Variants in RAPGEF5 observed in about 807,000 individuals in gnomAD.
RAPGEF5 encodes M-Ras-regulated GEF.
A neutral mutation model predicts 125.2 loss-of-function variants in RAPGEF5; 65 were observed. The observed-to-expected ratio is 0.52, with a 90% CI of 0.43 to 0.64. The LOEUF (loss-of-function observed/expected upper bound fraction) is 0.64. RAPGEF5 is among the 30% of genes least tolerant of loss of function. The pLI, the probability that RAPGEF5 is intolerant of heterozygous loss-of-function variation, is 0.00. For synonymous variants in RAPGEF5, 391 were observed against 385.9 expected (o/e 1.01, Z -0.16); for missense variants, 958 against 1,048.1 (o/e 0.91, Z 1.19).
At chr7:22,133,186 G>T (rs1268662217) in intron 23 of RAPGEF5, among the ~76,000 whole-genome samples, 2 of 152,200 alleles carry the variant, frequency 1.3e-5, no homozygotes, top group South Asian at 2.1e-4. Flanking sequence ...CTATTGAGGG[G>T]CCAGGGCCTG....
chr7:22,340,599 AG>A (rs1315153626), intron 1 of RAPGEF5, among the ~76,000 whole-genome samples: 1 of 152,208 alleles, frequency 6.6e-6, no homozygotes, highest in Admixed American at 6.5e-5. Flanking sequence ...AGCCTGGAAA[AG>A]GGATTCCTGT....
At chr7:22,218,266 T>C (rs982544499) in intron 9 of RAPGEF5, among the ~76,000 whole-genome samples, 5 of 152,166 alleles carry the variant, frequency 3.3e-5, no homozygotes, top group Admixed American at 2.0e-4. Context: ...GAGGTATCTT[T>C]TTAATAAGTG....
chr7:22,330,926 T>C lies in RAPGEF5; in HGVS notation c.232-12889A>G, dbSNP rs572964443. Reference sequence around the variant, plus strand: ...CTCACTCTGGGGTATGTAAACCGCATATCAATTTTTAAATTAAAATCATGA... The same window carrying C: ...CTCACTCTGGGGTATGTAAACCGCACATCAATTTTTAAATTAAAATCATGA... On this transcript the variant is annotated intron_variant, in intron 1 of 25. Coordinates refer to ENST00000665637, the MANE Select transcript of RAPGEF5 (RefSeq NM_012294.5). 1.6e-4 allele frequency among the ~76,000 whole-genome samples: 24 copies of C among 152,306 alleles called. 1 individual carries two copies. In the South Asian group the frequency reaches 5.0e-3, roughly 32 times the overall value.
At position 22,201,917 on chromosome 7, in the gene RAPGEF5, C is replaced by CTGGTT. The variant is rs541753884; in HGVS notation, c.997-7889_997-7885dup. Among the ~76,000 whole-genome samples, 651 of 152,252 alleles carry CTGGTT rather than the reference C, an allele frequency of 4.3e-3. 1 individual carries two copies. The highest frequency in any genetic ancestry group is 0.014 in the South Asian group (68 of 4,824). On this transcript the variant is annotated intron_variant, in intron 9 of 25. Transcript: ENST00000665637. ...GATGACAGCTGCATGAGAACAGTGG[C>CTGGTT]TGGTTTGGTTTGGTTTTACATCCAG...
chr7:22,136,834 G>A (rs1783093093), intron 22 of RAPGEF5, 99 bp downstream of exon 22: 1 of 1,044,280 alleles, frequency 9.6e-7, no homozygotes, highest in Non-Finnish European at 1.4e-6. Context: ...TAGGCTACCT[G>A]ACACGGTAGA....
intron 25 of RAPGEF5, among the ~76,000 whole-genome samples, chr7:22,124,173 C>G (rs1782666630): frequency 6.6e-6 from 1 of 152,204 alleles, no homozygotes; most frequent in Non-Finnish European, 1.5e-5. Context: ...TATCACCTTC[C>G]TGTCTATACT....
At chr7:22,298,378 C>A (rs1783115669) in intron 5 of RAPGEF5, among the ~76,000 whole-genome samples, 1 of 152,000 alleles carries the variant, frequency 6.6e-6, no homozygotes, top group Admixed American at 6.6e-5. Context: ...GGGGTTTCTC[C>A]ATATTGGTCA....
Position 22,140,104 on chromosome 7 carries a change from TG to T in RAPGEF5, c.2197del (p.Gln733ArgfsTer4). The T allele has an allele frequency of 6.4e-7, 1 of 1,558,240 alleles. No individual in the cohort carries two copies. The highest frequency in any genetic ancestry group is 2.4e-5 in the East Asian group (1 of 41,480). On this transcript the variant is annotated frameshift_variant, in exon 21 of 26. Transcript: ENST00000665637. LOFTEE classifies it high-confidence loss of function. ...GGCAAAGAAAGAATTCAGGTTTCTCTGGGCTTTGCAGCTATAAAATAAAAGA... is the reference window on the plus strand; with the variant it reads ...GGCAAAGAAAGAATTCAGGTTTCTCTGGCTTTGCAGCTATAAAATAAAAGA... Reference protein sequence around the residue: ...FIKIAAHCKAQRNLNSFFAIV... With the variant: ...FIKIAAHCKAXRNLNSFFAIV...
At chr7:22,278,821 G>A (rs979432381) in intron 6 of RAPGEF5, among the ~76,000 whole-genome samples, 1 of 151,088 alleles carries the variant, frequency 6.6e-6, no homozygotes, top group African/African-American at 2.4e-5. Flanking sequence ...AACTTATTAT[G>A]TACCTGGGCA....
chr7:22,270,883 T>C lies in RAPGEF5; in HGVS notation c.748-3871A>G, dbSNP rs574967949. On this transcript the variant is annotated intron_variant, in intron 6 of 25. Coordinates refer to ENST00000665637, the MANE Select transcript of RAPGEF5 (RefSeq NM_012294.5). Reference sequence around the variant, plus strand: ...AAGGAAGACTAGAAAAAGCCTAGAGTTTTGCCACCAAATATGTTCAGTTTT... The same window carrying C: ...AAGGAAGACTAGAAAAAGCCTAGAGCTTTGCCACCAAATATGTTCAGTTTT... Among the ~76,000 whole-genome samples the C allele has an allele frequency of 1.0e-3, 158 of 152,184 alleles. 1 individual carries two copies. The highest frequency in any genetic ancestry group is 2.4e-3 in the Admixed American group (36 of 15,294).
chr7:22,145,156 G>A lies in RAPGEF5; in HGVS notation c.2074C>T (p.Leu692=). The A allele has an allele frequency of 6.2e-7, 1 of 1,613,632 alleles. No individual in the cohort carries two copies. Among genetic ancestry groups the A allele is most frequent in the South Asian group, 1.1e-5 (1 of 90,968 alleles). ...SGEHTANLSL[L]LQRCNEVQLW... ...TGGACCTCATTGCATCTCTGGAGCA[G>A]AAGGCTGAGATTTGCAGTGTGTTCC... The change falls in exon 20 of 26, where the codon CTG becomes TTG. Residue 692 remains leucine (L), a synonymous_variant. Coordinates refer to ENST00000665637, the MANE Select transcript of RAPGEF5 (RefSeq NM_012294.5).
intron 1 of RAPGEF5, among the ~76,000 whole-genome samples, chr7:22,344,374 C>G (rs1258487595): frequency 6.6e-6 from 1 of 152,126 alleles, no homozygotes; most frequent in Non-Finnish European, 1.5e-5. Flanking sequence ...CACAAAGGGA[C>G]CAGTCATGAC....
rs534171081 is a variant in RAPGEF5, at chr7:22,121,975, C to G, written c.*431G>C. 6.2e-6 allele frequency: 1 copy of G among 161,440 alleles called. No individual in the cohort carries two copies. The highest frequency in any genetic ancestry group is 1.4e-5 in the Non-Finnish European group (1 of 72,772). The allele number at this position is 161,440 out of a possible 1,614,324, so 10.0% of individuals were successfully genotyped here. ...CATCAGGTGTTCAAAAGAATGACTTCTTTGACAGCTTATGGACAGTAATCT... is the reference window on the plus strand; with the variant it reads ...CATCAGGTGTTCAAAAGAATGACTTGTTTGACAGCTTATGGACAGTAATCT... On this transcript the variant is annotated 3_prime_UTR_variant, in exon 26 of 26. Coordinates refer to ENST00000665637, the MANE Select transcript of RAPGEF5 (RefSeq NM_012294.5).
intron 7 of RAPGEF5, among the ~76,000 whole-genome samples, chr7:22,247,854 T>C (rs1786518271): frequency 6.6e-6 from 1 of 152,196 alleles, no homozygotes; most frequent in Non-Finnish European, 1.5e-5. Context: ...GCCATTATAC[T>C]ACGTGAATTA....
At chr7:22,339,913 C>A (rs1476976993) in intron 1 of RAPGEF5, among the ~76,000 whole-genome samples, 1 of 152,178 alleles carries the variant, frequency 6.6e-6, no homozygotes, top group African/African-American at 2.4e-5. Flanking sequence ...TAACTCTCCA[C>A]CCCCTAAAGC....
intron 7 of RAPGEF5, among the ~76,000 whole-genome samples, chr7:22,264,361 T>C (rs1339222756): frequency 6.6e-6 from 1 of 152,216 alleles, no homozygotes; most frequent in Non-Finnish European, 1.5e-5. Context: ...GTTGCCAAAA[T>C]TGTATTCACA....
intron 22 of RAPGEF5, 79 bp from the exon 23 acceptor site, chr7:22,136,204 C>T: frequency 3.8e-6 from 4 of 1,054,428 alleles, no homozygotes; most frequent in Non-Finnish European, 5.6e-6. Flanking sequence ...CTTTGCTACA[C>T]AATTTGAACA....
At chr7:22,219,248 C>A (rs557093400) in intron 9 of RAPGEF5, among the ~76,000 whole-genome samples, 1 of 151,988 alleles carries the variant, frequency 6.6e-6, no homozygotes, top group Non-Finnish European at 1.5e-5. Context: ...ACTCTCAGTT[C>A]TAAGGCTCAA....
chr7:22,286,379 A>C (rs376438448), intron 6 of RAPGEF5, among the ~76,000 whole-genome samples: 6 of 152,230 alleles, frequency 3.9e-5, no homozygotes, highest in African/African-American at 1.4e-4. Context: ...ACATCACCTC[A>C]GGTGTTTGAC....
Sources: gnomAD v4.1 joint callset for allele counts (sites outside exome capture counted in the v4.1 genomes callset) on GRCh38, gnomAD v4.1.1 for gene constraint, MANE v1.5 for transcripts, NCBI Gene and HGNC (gene_info 2026-07-23, HGNC 2026-07-21) for gene names.